The following PSMB3 variants were observed in gnomAD, a reference collection of about 807,000 sequenced individuals.
PSMB3 encodes the protein proteasome 20S subunit beta 3.
Under a neutral mutation model 23.3 loss-of-function variants are expected in PSMB3, and 5 were observed. The observed-to-expected ratio is 0.21, with a 90% CI of 0.11 to 0.45. PSMB3 has a LOEUF of 0.45. Among genes scored for constraint, PSMB3 ranks in the 20% least tolerant of loss-of-function variants. PSMB3 has a pLI of 0.99. For missense variants in PSMB3, 192 were observed against 277.9 expected (o/e 0.69, Z 2.20); for synonymous variants, 85 against 99.8 (o/e 0.85, Z 0.88).
intron 3 of PSMB3, among the ~76,000 whole-genome samples, chr17:38,758,928 CCCAGCTACTCAGGAGGCTGAG>C (rs1223870458): frequency 2.2e-4 from 34 of 152,294 alleles, no homozygotes; most frequent in Non-Finnish European, 4.3e-4. Context: ...CACCTGTAGT[CCCAGCTACTCAGGAGGCTGAG>C]GCAGGAGAAT....
At chr17:38,758,104 CAG>C (rs1317473127) in intron 3 of PSMB3, among the ~76,000 whole-genome samples, 3 of 152,112 alleles carry the variant, frequency 2.0e-5, no homozygotes, top group Non-Finnish European at 2.9e-5. Flanking sequence ...GTGTTTCAGA[CAG>C]AGGTGCGTAG....
In PSMB3 at chr17:38,755,870, TCTC is replaced by T. The variant is rs1908175200; in HGVS notation, c.189-10_189-8del. ...CAATAATGACTTACTAACTCACTTT[TCTC>T]CTACCTCAGTGCCCAGCGCCTCAAG... On this transcript the variant is annotated splice_polypyrimidine_tract_variant and intron_variant, in intron 2 of 5. Transcript: ENST00000619426. 6.2e-7 allele frequency: 1 copy of T among 1,610,650 alleles called. No individual in the cohort carries two copies. Among genetic ancestry groups the T allele is most frequent in the East Asian group, 2.2e-5 (1 of 44,854 alleles).
At chr17:38,756,119 G>A in intron 3 of PSMB3, 129 bp downstream of exon 3, 1 of 780,490 alleles carries the variant, frequency 1.3e-6, no homozygotes, top group South Asian at 1.8e-5. Context: ...CTTATTTTAT[G>A]GGTGTGTTTT....
intron 3 of PSMB3, 134 bp from the exon 4 acceptor site, chr17:38,760,290 CAGGGAAA>C: frequency 1.2e-6 from 1 of 820,090 alleles, no homozygotes; most frequent in Non-Finnish European, 1.9e-6. Context: ...GAGCTGGCCT[CAGGGAAA>C]GGTGATCTTC....
rs113588747 is a variant in PSMB3, at chr17:38,756,297, C to G, written c.296+307C>G. Among the ~76,000 whole-genome samples the G allele has an allele frequency of 8.1e-4, 124 of 152,298 alleles. 1 individual carries two copies. Among genetic ancestry groups the G allele is most frequent in the Middle Eastern group, 3.4e-3 (1 of 294 alleles). The stretch of plus-strand genomic sequence containing the variant: ...TCTTGCCCTAGAGCTATTCTGTCAG[C>G]ACTGGCTTCTTGGGAATAGCAGGGA... On this transcript the variant is annotated intron_variant, in intron 3 of 5. Transcript: ENST00000619426.
chr17:38,759,575 C>T (rs547421756), intron 3 of PSMB3, among the ~76,000 whole-genome samples: 29 of 150,442 alleles, frequency 1.9e-4, no homozygotes, highest in South Asian at 8.4e-4. Context: ...GATGGAGTCT[C>T]GCTCTGTCGC....
intron 3 of PSMB3, among the ~76,000 whole-genome samples, chr17:38,759,748 C>T (rs1307241035): frequency 3.3e-5 from 5 of 151,964 alleles, no homozygotes; most frequent in South Asian, 2.1e-4. Context: ...GGGGTTTCAC[C>T]GTGTTAGCCA....
chr17:38,753,057 C>T lies in PSMB3; in HGVS notation c.4-93C>T, dbSNP rs549759718. Reference sequence around the variant, plus strand: ...GTTCAGACGCCTCCGGAATGGAGAACGGGCGTACAGGAGCCTCCGCATCAG... The same window carrying T: ...GTTCAGACGCCTCCGGAATGGAGAATGGGCGTACAGGAGCCTCCGCATCAG... On this transcript the variant is annotated intron_variant, in intron 1 of 5. Transcript: ENST00000619426. 32 of 1,373,026 alleles carry T rather than the reference C, an allele frequency of 2.3e-5. No individual in the cohort carries two copies. The South Asian group carries it at 4.1e-4, about 17-fold the overall frequency. 85.1% of individuals were successfully genotyped at this position (1,373,026 alleles called of 1,614,324 possible).
chr17:38,755,715 T>TGTGTGTGTGC (rs142685157), intron 2 of PSMB3, among the ~76,000 whole-genome samples, 168 bp from the exon 3 acceptor site: 8 of 138,432 alleles, frequency 5.8e-5, no homozygotes, highest in African/African-American at 1.7e-4. Context: ...TGTGTGTGTG[T>TGTGTGTGTGC]GCTGCCAAAG....
intron 3 of PSMB3, among the ~76,000 whole-genome samples, chr17:38,757,909 C>T (rs1908275468): frequency 6.6e-6 from 1 of 152,082 alleles, no homozygotes; most frequent in South Asian, 2.1e-4. Flanking sequence ...CCACCTCAGC[C>T]TCCCAAAGTG....
chr17:38,755,657 A>T (rs868481612), intron 2 of PSMB3, among the ~76,000 whole-genome samples: 44 of 74,756 alleles, frequency 5.9e-4, no homozygotes, highest in African/African-American at 2.1e-3. Context: ...AAAAAAAAAA[A>T]AAATATATAT....
chr17:38,760,722 A>G (rs1393699932), intron 4 of PSMB3, 114 bp downstream of exon 4: 2 of 1,222,390 alleles, frequency 1.6e-6, no homozygotes, highest in Admixed American at 2.3e-5. Flanking sequence ...TGGGAGAGAA[A>G]GCCACAGCTG....
chr17:38,753,725 T>C (rs1042569985), intron 2 of PSMB3, among the ~76,000 whole-genome samples: 22 of 152,220 alleles, frequency 1.4e-4, no homozygotes, highest in South Asian at 8.3e-4. Context: ...GTGATCCACC[T>C]GCCTCAGCCT....
rs759940355 is a variant in PSMB3, at chr17:38,755,902, C to G, written c.208C>G (p.Arg70Gly). The G allele has an allele frequency of 6.2e-7, 1 of 1,613,840 alleles. No homozygotes were observed. Among genetic ancestry groups the G allele is most frequent in the Non-Finnish European group, 8.5e-7 (1 of 1,179,978 alleles). The change falls in exon 3 of 6, where the codon CGG becomes GGG. Residue 70 changes from arginine to glycine, a missense_variant. By Grantham distance (125) the Arg-to-Gly change is moderately radical. Transcript: ENST00000619426. ...CCTCAGTGCCCAGCGCCTCAAGTTC[C>G]GGCTGAACCTGTATGAGTTGAAGGA... is the stretch of plus-strand genomic sequence containing the variant. ...VQTVAQRLKFRLNLYELKEGR... is the reference protein window; with the variant it reads ...VQTVAQRLKFGLNLYELKEGR...
intron 2 of PSMB3, among the ~76,000 whole-genome samples, chr17:38,755,678 A>ATGTGTGTGTGTGTG (rs1207952481): frequency 1.6e-4 from 17 of 107,090 alleles, no homozygotes; most frequent in East Asian, 7.8e-4. Context: ...ATATATATAT[A>ATGTGTGTGTGTGTG]TATATGTGTG....
intron 5 of PSMB3, among the ~76,000 whole-genome samples, chr17:38,763,886 G>A (rs1327379960): frequency 6.6e-6 from 1 of 152,170 alleles, no homozygotes; most frequent in Non-Finnish European, 1.5e-5. Context: ...TTCCACCTGT[G>A]GAAAGTCGGC....
intron 4 of PSMB3, 35 bp from the exon 5 acceptor site, chr17:38,762,376 G>A: frequency 1.3e-6 from 2 of 1,576,386 alleles, no homozygotes; most frequent in Non-Finnish European, 1.7e-6. Flanking sequence ...CAGAGCCAGA[G>A]GCTGTGGTTT....
rs539342054 is a variant in PSMB3, at chr17:38,754,037, A to G, written c.188+703A>G. On this transcript the variant is annotated intron_variant, in intron 2 of 5. Transcript: ENST00000619426. Reference sequence around the variant, plus strand: ...AATAAGAGAGGAAAAGAACGGTGATAGGTTTTCAGGAGGGAATACGTGGTC... The same window carrying G: ...AATAAGAGAGGAAAAGAACGGTGATGGGTTTTCAGGAGGGAATACGTGGTC... Among the ~76,000 whole-genome samples, 84 of 152,044 alleles carry G rather than the reference A, an allele frequency of 5.5e-4. 1 individual carries two copies. The South Asian group carries it at 0.016, about 29-fold the overall frequency.
intron 2 of PSMB3, among the ~76,000 whole-genome samples, 168 bp from the exon 3 acceptor site, chr17:38,755,715 T>TGTGTGCGC (rs142685157): frequency 1.1e-3 from 159 of 138,460 alleles, no homozygotes; most frequent in South Asian, 3.5e-3. Flanking sequence ...TGTGTGTGTG[T>TGTGTGCGC]GCTGCCAAAG....
Sources: gnomAD v4.1 joint callset for allele counts (sites outside exome capture counted in the v4.1 genomes callset) on GRCh38, gnomAD v4.1.1 for gene constraint, MANE v1.5 for transcripts, NCBI Gene and HGNC (gene_info 2026-07-23, HGNC 2026-07-21) for gene names.